Variants in GPC6 observed in about 807,000 individuals in gnomAD.
GPC6 encodes glypican-6.
GPC6 carries 14 observed loss-of-function variants against 55.2 expected under a neutral mutation model. The ratio of observed to expected loss-of-function variants is 0.25; its 90% CI spans 0.17 to 0.40. The LOEUF is 0.40. GPC6 is among the 10% of genes least tolerant of loss of function. The pLI is 1.00. For synonymous variants in GPC6, 278 were observed against 259.6 expected (o/e 1.07, Z -0.68); for missense variants, 641 against 708.5 (o/e 0.90, Z 1.08).
At chr13:93,933,296 G>A (rs1878276825) in intron 3 of GPC6, among the ~76,000 whole-genome samples, 1 of 152,104 alleles carries the variant, frequency 6.6e-6, no homozygotes, top group Non-Finnish European at 1.5e-5. Context: ...ACTTAGTAGA[G>A]GCCAAGAATT....
chr13:93,704,555 A>G (rs553418599), intron 2 of GPC6, among the ~76,000 whole-genome samples: 1 of 152,018 alleles, frequency 6.6e-6, no homozygotes, highest in South Asian at 2.1e-4. Context: ...ATTAACCCAT[A>G]GTATAGCATA....
At chr13:94,324,367 A>T (rs1479806362) in intron 6 of GPC6, among the ~76,000 whole-genome samples, 1 of 151,920 alleles carries the variant, frequency 6.6e-6, no homozygotes, top group African/African-American at 2.4e-5. Context: ...GGTAGAGGAC[A>T]TGAAAACCCC....
At chr13:94,284,112 G>T (rs745865563) in intron 4 of GPC6, among the ~76,000 whole-genome samples, 2 of 152,194 alleles carry the variant, frequency 1.3e-5, no homozygotes, top group Non-Finnish European at 2.9e-5. Context: ...GGCTTGCCCG[G>T]CAGGTGGGAA....
chr13:93,854,348 G>T (rs1272595075), intron 3 of GPC6, among the ~76,000 whole-genome samples: 2 of 151,744 alleles, frequency 1.3e-5, no homozygotes, highest in Admixed American at 1.3e-4. Flanking sequence ...TTTCACGATA[G>T]TAGTATTTGA....
At chr13:93,397,642 C>A (rs1031472969) in intron 1 of GPC6, among the ~76,000 whole-genome samples, 28 of 152,110 alleles carry the variant, frequency 1.8e-4, no homozygotes, top group Admixed American at 1.2e-3. Flanking sequence ...CCTTTATGTG[C>A]CAGGTACTGT....
chr13:93,365,100 C>T (rs775055649), intron 1 of GPC6, among the ~76,000 whole-genome samples: 10 of 152,114 alleles, frequency 6.6e-5, no homozygotes, highest in African/African-American at 2.4e-4. Context: ...ATCTTTAACT[C>T]TAGTTTCTGC....
intron 1 of GPC6, among the ~76,000 whole-genome samples, chr13:93,500,608 A>G (rs1326515775): frequency 6.6e-6 from 1 of 152,176 alleles, no homozygotes; most frequent in African/African-American, 2.4e-5. Context: ...ATTAACTCGT[A>G]TGTTTTATTT....
rs371084780 is a variant in GPC6 at position 93,922,681 on chromosome 13, A to G, written c.711+92136A>G. 4.1e-4 allele frequency among the ~76,000 whole-genome samples: 63 copies of G among 152,332 alleles called. 1 individual carries two copies. Among genetic ancestry groups the G allele is most frequent in the African/African-American group, 1.4e-3 (60 of 41,578 alleles). On this transcript the variant is annotated intron_variant, in intron 3 of 8. Transcript: ENST00000377047. ...AATCTAAATTTACATAAAGATACATATGGCTAAAATGCATATAATTTTTGT... is the reference window on the plus strand; with the variant it reads ...AATCTAAATTTACATAAAGATACATGTGGCTAAAATGCATATAATTTTTGT...
chr13:93,495,597 G>C (rs1156330066), intron 1 of GPC6, among the ~76,000 whole-genome samples: 10 of 110,530 alleles, frequency 9.0e-5, no homozygotes, highest in African/African-American at 1.4e-4. Context: ...GAGGAGAGGT[G>C]CTCTGCTTTT....
intron 2 of GPC6, among the ~76,000 whole-genome samples, chr13:93,657,497 C>T (rs1443580546): frequency 6.6e-6 from 1 of 151,826 alleles, no homozygotes; most frequent in African/African-American, 2.4e-5. Context: ...CTATAAAAAC[C>T]CTAGAAGAAA....
intron 1 of GPC6, among the ~76,000 whole-genome samples, chr13:93,534,961 G>A (rs918186788): frequency 6.6e-6 from 1 of 152,090 alleles, no homozygotes; most frequent in Non-Finnish European, 1.5e-5. Flanking sequence ...TGGTTATGTG[G>A]CCCTGTGTCT....
intron 3 of GPC6, among the ~76,000 whole-genome samples, chr13:93,961,100 C>T (rs1449224075): frequency 6.6e-6 from 1 of 152,142 alleles, no homozygotes; most frequent in African/African-American, 2.4e-5. Context: ...AGGCGTGAGC[C>T]ACCGCACTTG....
chr13:94,155,246 C>A (rs1389331231), intron 4 of GPC6, among the ~76,000 whole-genome samples: 2 of 151,980 alleles, frequency 1.3e-5, no homozygotes, highest in Non-Finnish European at 2.9e-5. Context: ...GCTCCTCCTT[C>A]TTTTCTCGAG....
intron 3 of GPC6, among the ~76,000 whole-genome samples, chr13:94,013,175 T>G (rs1348725451): frequency 6.6e-6 from 1 of 151,852 alleles, no homozygotes; most frequent in African/African-American, 2.4e-5. Context: ...TATTTTATTC[T>G]AATGAATGAA....
chr13:93,848,496 T>C (rs1888280325), intron 3 of GPC6, among the ~76,000 whole-genome samples: 1 of 152,122 alleles, frequency 6.6e-6, no homozygotes, highest in Admixed American at 6.6e-5. Context: ...GTACCTTCTT[T>C]TGGGCATCCT....
intron 2 of GPC6, among the ~76,000 whole-genome samples, chr13:93,823,650 G>C (rs952246315): frequency 6.6e-6 from 1 of 152,034 alleles, no homozygotes; most frequent in African/African-American, 2.4e-5. Flanking sequence ...AAAATATGAC[G>C]AAGACAAATG....
At chr13:93,732,370 G>A (rs1883856504) in intron 2 of GPC6, among the ~76,000 whole-genome samples, 1 of 152,118 alleles carries the variant, frequency 6.6e-6, no homozygotes, top group Admixed American at 6.6e-5. Flanking sequence ...AAATATTGGA[G>A]ATGAATATAA....
At chr13:93,614,051 C>A (rs1252018422) in intron 2 of GPC6, among the ~76,000 whole-genome samples, 3 of 152,174 alleles carry the variant, frequency 2.0e-5, no homozygotes, top group Admixed American at 2.0e-4. Flanking sequence ...AGCTGTCAGT[C>A]TCACTGTACA....
At chr13:94,167,076 T>C (rs1200964420) in intron 4 of GPC6, among the ~76,000 whole-genome samples, 1 of 152,194 alleles carries the variant, frequency 6.6e-6, no homozygotes, top group Non-Finnish European at 1.5e-5. Context: ...AATTAGACTC[T>C]AGATGTTTTT....
Sources: gnomAD v4.1 joint callset for allele counts (sites outside exome capture counted in the v4.1 genomes callset) on GRCh38, gnomAD v4.1.1 for gene constraint, MANE v1.5 for transcripts, NCBI Gene and HGNC (gene_info 2026-07-23, HGNC 2026-07-21) for gene names.